NXPH2: variants seen among roughly 807,000 people sequenced by gnomAD.
NXPH2 encodes the protein neurexophilin-2.
Under a neutral mutation model 19.8 loss-of-function variants are expected in NXPH2, and 5 were observed. The observed-to-expected ratio is 0.25, with a 90% CI of 0.13 to 0.53. NXPH2 has a LOEUF of 0.53. Ranked by LOEUF, NXPH2 falls within the 20% of genes least tolerant of loss-of-function variation. NXPH2 has a pLI of 0.96. For synonymous variants in NXPH2, 154 were observed against 127.4 expected (o/e 1.21, Z -1.41); for missense variants, 289 against 322.8 (o/e 0.90, Z 0.80).
chr2:138,764,839 A>T (rs1682067926), intron 1 of NXPH2, among the ~76,000 whole-genome samples: 1 of 152,222 alleles, frequency 6.6e-6, no homozygotes, highest in South Asian at 2.1e-4. Context: ...AGGAAGAAAT[A>T]ATTTGCCCCT....
At chr2:138,725,485 G>A (rs74849416) in intron 1 of NXPH2, among the ~76,000 whole-genome samples, 17,094 of 152,206 alleles carry the variant, frequency 0.11, 1,317 homozygotes, top group Non-Finnish European at 0.17. Flanking sequence ...TGTCGGATTC[G>A]ATAAATAATT....
chr2:138,739,025 GA>G (rs1342529935), intron 1 of NXPH2, among the ~76,000 whole-genome samples: 1 of 152,046 alleles, frequency 6.6e-6, no homozygotes, highest in Non-Finnish European at 1.5e-5. Context: ...TTTGAGAGGG[GA>G]AACTTCTAAA....
At chr2:138,759,970 C>G (rs1445722618) in intron 1 of NXPH2, among the ~76,000 whole-genome samples, 1 of 152,046 alleles carries the variant, frequency 6.6e-6, no homozygotes, top group Non-Finnish European at 1.5e-5. Flanking sequence ...ACCTTGTGAT[C>G]CGCCCGCCTC....
At chr2:138,727,621 C>A (rs1262705270) in intron 1 of NXPH2, among the ~76,000 whole-genome samples, 1 of 135,016 alleles carries the variant, frequency 7.4e-6, no homozygotes, top group East Asian at 2.1e-4. Flanking sequence ...TTTATAAATT[C>A]TTTGTATATT....
chr2:138,755,838 T>G (rs1337489950), intron 1 of NXPH2, among the ~76,000 whole-genome samples: 1 of 152,102 alleles, frequency 6.6e-6, no homozygotes, highest in African/African-American at 2.4e-5. Flanking sequence ...GATTTTTTTT[T>G]GTTTTCTTTC....
At chr2:138,688,551 G>T (rs1306191916) in intron 1 of NXPH2, among the ~76,000 whole-genome samples, 1 of 152,080 alleles carries the variant, frequency 6.6e-6, no homozygotes, top group Admixed American at 6.6e-5. Context: ...ACTCAGCAGT[G>T]GGACCCTTTC....
At chr2:138,767,990 T>C (rs1682117894) in intron 1 of NXPH2, among the ~76,000 whole-genome samples, 1 of 152,186 alleles carries the variant, frequency 6.6e-6, no homozygotes, top group African/African-American at 2.4e-5. Context: ...CTCTATTATT[T>C]TCAGCCTTCT....
intron 1 of NXPH2, among the ~76,000 whole-genome samples, chr2:138,739,519 G>A (rs1573973071): frequency 6.6e-6 from 1 of 152,114 alleles, no homozygotes; most frequent in East Asian, 1.9e-4. Flanking sequence ...AGGGAATGAG[G>A]GAGAGAGGAA....
chr2:138,765,113 C>G (rs944793612), intron 1 of NXPH2, among the ~76,000 whole-genome samples: 14 of 152,136 alleles, frequency 9.2e-5, no homozygotes, highest in African/African-American at 3.4e-4. Context: ...AAAAATGCAG[C>G]CTTTCATGCA....
intron 1 of NXPH2, among the ~76,000 whole-genome samples, chr2:138,710,536 G>A (rs1164429401): frequency 6.6e-6 from 1 of 152,068 alleles, no homozygotes; most frequent in Non-Finnish European, 1.5e-5. Flanking sequence ...CAACACACAA[G>A]GGTTCCAGTT....
intron 1 of NXPH2, among the ~76,000 whole-genome samples, chr2:138,767,360 C>G (rs556433082): frequency 1.3e-5 from 2 of 152,348 alleles, no homozygotes; most frequent in Admixed American, 1.3e-4. Context: ...TCCCTTTGCT[C>G]TATCTCTCTC....
intron 1 of NXPH2, among the ~76,000 whole-genome samples, chr2:138,777,651 T>C (rs774606524): frequency 6.6e-6 from 1 of 151,842 alleles, no homozygotes; most frequent in African/African-American, 2.4e-5. Context: ...TGTGACTGCT[T>C]TCAGAAACAA....
intron 1 of NXPH2, among the ~76,000 whole-genome samples, chr2:138,754,191 T>C (rs1681866962): frequency 6.6e-6 from 1 of 152,124 alleles, no homozygotes; most frequent in African/African-American, 2.4e-5. Flanking sequence ...TCTTTATTGA[T>C]TTTTTAAGTT....
chr2:138,699,577 G>C (rs185804953), intron 1 of NXPH2, among the ~76,000 whole-genome samples: 13 of 152,052 alleles, frequency 8.5e-5, no homozygotes, highest in African/African-American at 2.9e-4. Context: ...GGTGAGACTC[G>C]ATGAGTAGGG....
chr2:138,684,447 CTG>C (rs1288153704), intron 1 of NXPH2, among the ~76,000 whole-genome samples: 1 of 151,208 alleles, frequency 6.6e-6, no homozygotes, highest in Non-Finnish European at 1.5e-5. Flanking sequence ...AGTCTGATAA[CTG>C]TTAACATTTT....
At chr2:138,685,512 T>C (rs780027912) in intron 1 of NXPH2, among the ~76,000 whole-genome samples, 15 of 152,214 alleles carry the variant, frequency 9.9e-5, no homozygotes, top group Non-Finnish European at 1.8e-4. Context: ...GTTGAAGATA[T>C]CATAAATTGA....
chr2:138,670,570 T>C lies in NXPH2; in HGVS notation c.*352A>G, dbSNP rs1680398484. On this transcript the variant is annotated 3_prime_UTR_variant, in exon 2 of 2. Transcript: ENST00000272641. ...AAAACATATTTCAAAGGCAGGCTCA[T>C]TTCAAGAGCAATGTTTGTCACATGC... Among the ~76,000 whole-genome samples the C allele has an allele frequency of 1.3e-5, 2 of 152,216 alleles. No individual in the cohort carries two copies. Among genetic ancestry groups the C allele is most frequent in the African/African-American group, 4.8e-5 (2 of 41,442 alleles).
intron 1 of NXPH2, among the ~76,000 whole-genome samples, chr2:138,746,828 C>A (rs1260433609): frequency 6.6e-6 from 1 of 152,112 alleles, no homozygotes; most frequent in African/African-American, 2.4e-5. Context: ...CCACATACTG[C>A]CTTTCATTTT....
In NXPH2 at chr2:138,671,010, G is replaced by A. The variant is rs771084695; in HGVS notation, c.707C>T (p.Ala236Val). The A allele has an allele frequency of 4.0e-5, 65 of 1,613,806 alleles. No individual in the cohort carries two copies. Among genetic ancestry groups the A allele is most frequent in the Middle Eastern group, 1.6e-4 (1 of 6,082 alleles). Residue 236 changes from alanine (A) to valine (V), a missense_variant, in exon 2 of 2, where the codon GCC (alanine) becomes GTC (valine). Transcript: ENST00000272641. Reference sequence around the variant, plus strand: ...GAGTTTATAATCAACACTGTAAAAGGCAATGTAAATGCAAATGACCTTGAA... The same window carrying A: ...GAGTTTATAATCAACACTGTAAAAGACAATGTAAATGCAAATGACCTTGAA... ...KPFKVICIYIAFYSVDYKLVQ... is the reference protein window; with the variant it reads ...KPFKVICIYIVFYSVDYKLVQ...
Sources: gnomAD v4.1 joint callset for allele counts (sites outside exome capture counted in the v4.1 genomes callset) on GRCh38, gnomAD v4.1.1 for gene constraint, MANE v1.5 for transcripts, NCBI Gene and HGNC (gene_info 2026-07-23, HGNC 2026-07-21) for gene names.